Variants in TTN observed in about 807,000 individuals in gnomAD.
TTN encodes the protein titin, also known as connectin.
TTN carries 1,525 observed loss-of-function variants against 3,223.0 expected under a neutral mutation model. The observed-to-expected ratio is 0.47, with a 90% CI of 0.45 to 0.49. The LOEUF (loss-of-function observed/expected upper bound fraction) is 0.49, where lower values mean the gene tolerates loss of function less well. TTN is among the 20% of genes least tolerant of loss of function. The pLI is 0.00. For missense variants in TTN, 40,786 were observed against 43,424.0 expected, an observed-to-expected ratio of 0.94 and a Z score of 5.40; for synonymous variants, 14,094 against 15,161.0, an observed-to-expected ratio of 0.93 and a Z score of 5.17.
At chr2:178,691,666 A>G (rs2072487910) in intron 121 of TTN, among the ~76,000 whole-genome samples, 1 of 152,224 alleles carries the variant, frequency 6.6e-6, no homozygotes, top group Non-Finnish European at 1.5e-5. Context: ...TTATTAAGAA[A>G]AAGTTACATT....
intron 336 of TTN, 120 bp downstream of exon 336, chr2:178,550,844 TTCA>T (rs1253167176): frequency 1.2e-6 from 1 of 841,614 alleles, no homozygotes; most frequent in Non-Finnish European, 1.8e-6. Context: ...AAAGACATAA[TTCA>T]TCCACTTAGC....
At chr2:178,711,883 A>G in intron 96 of TTN, 61 bp downstream of exon 96, 2 of 1,511,876 alleles carry the variant, frequency 1.3e-6, no homozygotes, top group Non-Finnish European at 1.8e-6. Context: ...GCCTCCCCAG[A>G]CATTTTAAAT....
At chr2:178,744,572 C>T in intron 47 of TTN, 1 of 910,846 alleles carries the variant, frequency 1.1e-6, no homozygotes, top group Non-Finnish European at 1.3e-6. Context: ...GCTTATTAAG[C>T]TATATTCGTT....
At position 178,577,584 on chromosome 2, in the gene TTN, A is replaced by T; in HGVS notation, c.68824+18T>A. 6.4e-7 allele frequency: 1 copy of T among 1,561,732 alleles called. No homozygotes were observed. Among genetic ancestry groups the T allele is most frequent in the Non-Finnish European group, 8.6e-7 (1 of 1,158,308 alleles). On this transcript the variant is annotated intron_variant, in intron 323 of 362. Transcript: ENST00000589042. ...TTGCTTTAAAAAAAAAAGTACATAA[A>T]AAGTAAAATGGACCTACCGTATTCA...
At position 178,561,347 on chromosome 2, in the gene TTN, G is replaced by A. The variant is rs1703591532; in HGVS notation, c.84785C>T (p.Thr28262Ile). The A allele has an allele frequency of 6.2e-7, 1 of 1,613,640 alleles. No homozygotes were observed. Among genetic ancestry groups the A allele is most frequent in the Non-Finnish European group, 8.5e-7 (1 of 1,179,796 alleles). Residue 28262 changes from threonine (T) to isoleucine (I), a missense_variant, in exon 326 of 363, where the codon ACA becomes ATA. Transcript: ENST00000589042. ...PCDPPGQPEV[T>I]NITRKSVSLK... ...TGACACTGATTTTCTTGTGATATTT[G>A]TGACTTCAGGTTGTCCAGGAGGGTC... is the stretch of plus-strand genomic sequence containing the variant.
chr2:178,574,834 C>T lies in TTN; in HGVS notation c.71298G>A (p.Met23766Ile), dbSNP rs1709497940. 6.2e-7 allele frequency: 1 copy of T among 1,612,858 alleles called. No homozygotes were observed. The highest frequency in any genetic ancestry group is 8.5e-7 in the Non-Finnish European group (1 of 1,179,436). Residue 23766 changes from methionine (M) to isoleucine (I), a missense_variant, in exon 326 of 363, where the codon ATG (methionine) becomes ATA (isoleucine). Physicochemically the swap from Met to Ile is conservative, Grantham distance 10. Coordinates refer to ENST00000589042, the MANE Select transcript of TTN (RefSeq NM_001267550.2). ...CCCAGGTAGTACTGTCAGTCTGCCG[C>T]ATTTCCACTACATAGTTGCTTATTG... ...GVPISNYVVEMRQTDSTTWVE... is the reference protein window; with the variant it reads ...GVPISNYVVEIRQTDSTTWVE...
At chr2:178,623,044 T>C (rs1272733768) in intron 242 of TTN, among the ~76,000 whole-genome samples, 3 of 151,948 alleles carry the variant, frequency 2.0e-5, no homozygotes, top group Admixed American at 2.0e-4. Context: ...ATCTCAGTTC[T>C]TTTGAATAAT....
Position 178,564,703 on chromosome 2 carries a change from A to C in TTN, c.81429T>G (p.Tyr27143Ter), listed in dbSNP as rs1192471130. The C allele has an allele frequency of 6.2e-7, 1 of 1,613,420 alleles. No individual in the cohort carries two copies. The highest frequency in any genetic ancestry group is 1.7e-5 in the Admixed American group (1 of 59,966). The stretch of plus-strand genomic sequence containing the variant: ...TATTTTCAGCAGAAACTTTGAACTC[A>C]TACTCAAGGCCCTCATCAAGCCCAG... ...KTTGLDEGLE[Y>*]EFKVSAENIV... The change falls in exon 326 of 363, where the codon TAT (tyrosine) becomes TAG (stop). Residue 27143 changes from tyrosine to a stop codon, truncating the protein, a stop_gained. Coordinates refer to ENST00000589042, the MANE Select transcript of TTN (RefSeq NM_001267550.2). LOFTEE classifies it high-confidence loss of function.
At chr2:178,606,075 G>GT (rs761617908) in intron 278 of TTN, among the ~76,000 whole-genome samples, 3 of 152,010 alleles carry the variant, frequency 2.0e-5, no homozygotes, top group Non-Finnish European at 4.4e-5. Flanking sequence ...AGAGCAAAGT[G>GT]TTTTTTCTTT....
intron 3 of TTN, among the ~76,000 whole-genome samples, chr2:178,801,054 T>A (rs1318003307): frequency 1.3e-5 from 2 of 152,220 alleles, no homozygotes; most frequent in Non-Finnish European, 2.9e-5. Context: ...CCATGTTGCA[T>A]ATTCCAGTAA....
At chr2:178,663,966 A>C (rs1232872885) in intron 169 of TTN, 49 bp downstream of exon 169, 1 of 1,609,804 alleles carries the variant, frequency 6.2e-7, no homozygotes, top group Non-Finnish European at 8.5e-7. Flanking sequence ...AAATATTGTC[A>C]AGAGCAGAAG....
At chr2:178,588,274 A>T in intron 304 of TTN, 55 bp from the exon 305 acceptor site, 1 of 1,436,882 alleles carries the variant, frequency 7.0e-7, no homozygotes, top group Non-Finnish European at 9.3e-7. Flanking sequence ...TCAATGTGTA[A>T]TTTTATATAG....
chr2:178,775,649 C>T lies in TTN; in HGVS notation c.6215G>A (p.Ser2072Asn). The T allele has an allele frequency of 6.2e-7, 1 of 1,614,108 alleles. No individual in the cohort carries two copies. The highest frequency in any genetic ancestry group is 8.5e-7 in the Non-Finnish European group (1 of 1,180,000). ...GATTTTTGGAGCCTCCATACTAGGA[C>T]TTAGTTCAATCTTGTCAGGTTTAAA... ...PTFKPDKIEL[S>N]PSMEAPKIFE... Residue 2072 changes from serine (S) to asparagine (N), a missense_variant, in exon 28 of 363, where the codon AGT becomes AAT. Transcript: ENST00000589042.
At position 178,592,472 on chromosome 2, in the gene TTN, G is replaced by A. The variant is rs1232069163; in HGVS notation, c.59533C>T (p.Arg19845Cys). The change falls in exon 301 of 363, where the codon CGT (arginine) becomes TGT (cysteine). Residue 19845 changes from arginine (R) to cysteine (C), a missense_variant. By Grantham distance (180) the Arg-to-Cys change is radical. Coordinates refer to ENST00000589042, the MANE Select transcript of TTN (RefSeq NM_001267550.2). ...CCACCATCTTCATGGGCAGCATTACGAATTTCAAGCTTGCTACCAACTGGA... is the reference window on the plus strand; with the variant it reads ...CCACCATCTTCATGGGCAGCATTACAAATTTCAAGCTTGCTACCAACTGGA... ...VTPVGSKLEI[R>C]NAAHEDGGIY... 8 of 1,613,376 alleles carry A rather than the reference G, an allele frequency of 5.0e-6. No individual in the cohort carries two copies. Among genetic ancestry groups the A allele is most frequent in the African/African-American group, 4.0e-5 (3 of 74,892 alleles).
intron 294 of TTN, among the ~76,000 whole-genome samples, chr2:178,597,077 T>A (rs1392336337): frequency 1.3e-5 from 2 of 152,000 alleles, no homozygotes; most frequent in Non-Finnish European, 2.9e-5. Context: ...CATGTACAGT[T>A]TAAGGAAAGT....
At position 178,592,266 on chromosome 2, in the gene TTN, G is replaced by T; in HGVS notation, c.59638C>A (p.Pro19880Thr). The T allele has an allele frequency of 1.2e-6, 2 of 1,609,910 alleles. No individual in the cohort carries two copies. Among genetic ancestry groups the T allele is most frequent in the Non-Finnish European group, 1.7e-6 (2 of 1,178,660 alleles). Reference protein sequence around the residue: ...VKVLVLDKPGPPRDLEVSEIR... With the variant: ...VKVLVLDKPGTPRDLEVSEIR... ...TCACTGACTTCCAGATCTCTAGGTGGCCCAGGTTTATCTAAAAAGTGTTAA... is the reference window on the plus strand; with the variant it reads ...TCACTGACTTCCAGATCTCTAGGTGTCCCAGGTTTATCTAAAAAGTGTTAA... The change falls in exon 302 of 363, where the codon CCA becomes ACA. Residue 19880 changes from proline to threonine, a missense_variant. Pro to Thr is a conservative substitution (Grantham distance 38). Transcript: ENST00000589042.
chr2:178,630,023 A>G (rs2059601607), intron 239 of TTN, among the ~76,000 whole-genome samples: 1 of 152,014 alleles, frequency 6.6e-6, no homozygotes, highest in Admixed American at 6.6e-5. Context: ...GATTTGCTAA[A>G]TTTTCTTTTG....
At position 178,683,979 on chromosome 2, in the gene TTN, T is replaced by C; in HGVS notation, c.32806+20A>G. The C allele has an allele frequency of 1.9e-6, 3 of 1,540,658 alleles. No homozygotes were observed. The South Asian group carries it at 3.8e-5, about 20-fold the overall frequency. Reference sequence around the variant, plus strand: ...GGATGCTTATTTTGATTTTTTTTTTTTTTTTAAGAGTCAGTATACCTTTAG... The same window carrying C: ...GGATGCTTATTTTGATTTTTTTTTTCTTTTTAAGAGTCAGTATACCTTTAG... On this transcript the variant is annotated intron_variant, in intron 133 of 362. Coordinates refer to ENST00000589042, the MANE Select transcript of TTN (RefSeq NM_001267550.2).
In TTN at chr2:178,715,545, C is replaced by G; in HGVS notation, c.25869G>C (p.Glu8623Asp). Residue 8623 changes from glutamate to aspartate, a missense_variant, in exon 89 of 363, where the codon GAG becomes GAC. Glu to Asp is a conservative substitution (Grantham distance 45). Coordinates refer to ENST00000589042, the MANE Select transcript of TTN (RefSeq NM_001267550.2). ...SVEDSGDYTC[E>D]AHNAAGSASS... ...TGGCACTGCCTGCTGCATTGTGGGC[C>G]TCACAGGTGTAGTCTCCACTGTCTT... 1.2e-6 allele frequency: 2 copies of G among 1,613,536 alleles called. No homozygotes were observed. The highest frequency in any genetic ancestry group is 1.7e-6 in the Non-Finnish European group (2 of 1,179,610).
Sources: gnomAD v4.1 joint callset for allele counts (sites outside exome capture counted in the v4.1 genomes callset) on GRCh38, gnomAD v4.1.1 for gene constraint, MANE v1.5 for transcripts, NCBI Gene and HGNC (gene_info 2026-07-23, HGNC 2026-07-21) for gene names.